The following NHSL3 variants were observed in gnomAD, a reference collection of about 807,000 sequenced individuals.
NHSL3 encodes NHS-like protein 3.
the NHSL3 span, among the ~76,000 whole-genome samples, chr1:32,767,133 G>A: frequency 6.6e-6 from 1 of 152,216 alleles, no homozygotes; most frequent in Non-Finnish European, 1.5e-5. Context: ...CATGCCAGCT[G>A]TCTCTCCTTC....
chr1:32,743,038 G>C, the NHSL3 span, among the ~76,000 whole-genome samples: 3 of 152,230 alleles, frequency 2.0e-5, no homozygotes, highest in Non-Finnish European at 4.4e-5. Flanking sequence ...AGCCGACCTG[G>C]CCCATCCCTG....
chr1:32,772,413 AGAG>A, the NHSL3 span: 40 of 1,534,926 alleles, frequency 2.6e-5, no homozygotes, highest in Middle Eastern at 1.8e-4. Flanking sequence ...TGGTGGGCCC[AGAG>A]GAGAAGATGG....
At chr1:32,769,835 G>A in the NHSL3 span, 4 of 1,611,028 alleles carry the variant, frequency 2.5e-6, no homozygotes, top group Non-Finnish European at 3.4e-6. Flanking sequence ...GGGAGCCTTG[G>A]TCATCCCCTC....
chr1:32,741,846 C>A, the NHSL3 span: 1 of 151,724 alleles, frequency 6.6e-6, no homozygotes, highest in Non-Finnish European at 1.4e-5. The surrounding 1 kb of genome is among the most constrained non-coding windows in gnomAD (Gnocchi z 4.3). Flanking sequence ...GCCCGCTCGG[C>A]CTCCGCCGCC....
chr1:32,765,709 C>G, the NHSL3 span: 1 of 1,543,218 alleles, frequency 6.5e-7, no homozygotes, highest in Non-Finnish European at 8.7e-7. Flanking sequence ...AAGGTACGCC[C>G]CGCGCTCTGC....
chr1:32,759,087 T>C, the NHSL3 span, among the ~76,000 whole-genome samples: 1 of 152,106 alleles, frequency 6.6e-6, no homozygotes, highest in Non-Finnish European at 1.5e-5. Flanking sequence ...CCAGTCAGAG[T>C]TGGGCTCACA....
the NHSL3 span, chr1:32,742,253 G>A: frequency 2.4e-6 from 3 of 1,229,562 alleles, no homozygotes; most frequent in South Asian, 3.6e-5. Context: ...AGGGGGCTCT[G>A]CCGGGGGTCC....
the NHSL3 span, among the ~76,000 whole-genome samples, chr1:32,748,959 T>C: frequency 6.6e-6 from 1 of 152,168 alleles, no homozygotes; most frequent in Non-Finnish European, 1.5e-5. Context: ...CACTCACTTA[T>C]TTCACAGATA....
At chr1:32,756,774 G>A in the NHSL3 span, among the ~76,000 whole-genome samples, 2 of 151,378 alleles carry the variant, frequency 1.3e-5, no homozygotes, top group Admixed American at 1.3e-4. Flanking sequence ...TTTGAGACCA[G>A]CCCAGCCAAC....
the NHSL3 span, chr1:32,754,194 TG>T: frequency 1.5e-6 from 1 of 666,650 alleles, no homozygotes. Flanking sequence ...GGGGCCGGGG[TG>T]GGGGCGGGGC....
At chr1:32,742,054 C>T in the NHSL3 span, 9 of 1,261,932 alleles carry the variant, frequency 7.1e-6, no homozygotes, top group Admixed American at 3.8e-5. Flanking sequence ...CGCGTCCGGC[C>T]TCCGCCGCGC....
chr1:32,746,072 A>G, the NHSL3 span, among the ~76,000 whole-genome samples: 1 of 151,912 alleles, frequency 6.6e-6, no homozygotes. Flanking sequence ...CTACTAAAAA[A>G]TACAAAAAAT....
At chr1:32,770,535 A>G in the NHSL3 span, 1 of 1,536,266 alleles carries the variant, frequency 6.5e-7, no homozygotes, top group South Asian at 1.3e-5. The surrounding 1 kb of genome is among the most constrained non-coding windows in gnomAD (Gnocchi z 8.3). Context: ...ATAGCGTGGT[A>G]CCCCCTCCCC....
At chr1:32,773,341 G>T in the NHSL3 span, 1 of 194,024 alleles carries the variant, frequency 5.2e-6, no homozygotes, top group Non-Finnish European at 1.1e-5. Flanking sequence ...CATTCCAAGG[G>T]CCTGTTTACA....
the NHSL3 span, chr1:32,770,321 G>A: frequency 6.2e-7 from 1 of 1,612,190 alleles, no homozygotes; most frequent in South Asian, 1.1e-5. This position sits in a 1 kb window ranked among gnomAD's most constrained non-coding sequence, Gnocchi z 8.3. Flanking sequence ...AGCCGCTGCA[G>A]CCTGCACTCG....
chr1:32,746,230 CA>C, the NHSL3 span, among the ~76,000 whole-genome samples: 8 of 8,286 alleles, frequency 9.7e-4, no homozygotes, highest in African/African-American at 1.2e-3. Context: ...GACTCCAGCT[CA>C]AAAAAAAAAA....
At chr1:32,770,757 G>A in the NHSL3 span, 1 of 1,573,290 alleles carries the variant, frequency 6.4e-7, no homozygotes, top group South Asian at 1.2e-5. This position sits in a 1 kb window ranked among gnomAD's most constrained non-coding sequence, Gnocchi z 8.3. Flanking sequence ...CTAAGCCTGA[G>A]CGTAAGCAGC....
At chr1:32,771,260 C>T in the NHSL3 span, 2 of 1,612,772 alleles carry the variant, frequency 1.2e-6, no homozygotes, top group Admixed American at 3.3e-5. Flanking sequence ...GCTGTGGTTC[C>T]TGGGCCTGTT....
chr1:32,742,283 G>A, the NHSL3 span: 2 of 1,158,968 alleles, frequency 1.7e-6, no homozygotes, highest in Non-Finnish European at 2.2e-6. Context: ...GTGTTGGAGG[G>A]GGGTGACCCC....
Sources: allele counts gnomAD v4.1 joint callset (sites outside exome capture counted in the v4.1 genomes callset), GRCh38; gene constraint gnomAD v4.1.1; non-coding constraint Gnocchi (gnomAD v3.1); transcripts MANE v1.5; gene names NCBI Gene and HGNC (gene_info 2026-07-23, HGNC 2026-07-21).